Variants in SLC4A4 observed in about 807,000 individuals in gnomAD.
SLC4A4 encodes the protein solute carrier family 4 member 4.
SLC4A4 carries 27 observed loss-of-function variants against 111.5 expected under a neutral mutation model. The observed-to-expected ratio is 0.24, with a 90% CI of 0.18 to 0.33. The LOEUF (loss-of-function observed/expected upper bound fraction) is 0.33, where lower values mean the gene tolerates loss of function less well. Ranked by LOEUF, SLC4A4 falls within the 10% of genes least tolerant of loss-of-function variation. SLC4A4 has a pLI of 1.00. For missense variants in SLC4A4, 909 were observed against 1,315.5 expected (o/e 0.69, Z 4.78); for synonymous variants, 443 against 463.4 (o/e 0.96, Z 0.57).
intron 3 of SLC4A4, among the ~76,000 whole-genome samples, chr4:71,271,871 C>A (rs982733993): frequency 6.6e-6 from 1 of 152,118 alleles, no homozygotes; most frequent in Non-Finnish European, 1.5e-5. Flanking sequence ...TTTTATTTAA[C>A]CCTCATGAAC....
chr4:71,472,243 G>A (rs901347576), intron 13 of SLC4A4, among the ~76,000 whole-genome samples: 1 of 151,804 alleles, frequency 6.6e-6, no homozygotes, highest in Non-Finnish European at 1.5e-5. Context: ...TTTATAGTGC[G>A]ATTACATTTA....
chr4:71,508,884 A>G (rs1731653543), intron 16 of SLC4A4, among the ~76,000 whole-genome samples: 1 of 152,232 alleles, frequency 6.6e-6, no homozygotes, highest in Admixed American at 6.5e-5. Context: ...CAAATCCAGC[A>G]GCACGTCCAG....
chr4:71,313,110 C>A (rs1726344269), intron 3 of SLC4A4, among the ~76,000 whole-genome samples: 1 of 152,198 alleles, frequency 6.6e-6, no homozygotes, highest in Non-Finnish European at 1.5e-5. Flanking sequence ...GTGCAAAAAT[C>A]ACAAGCATTC....
intron 18 of SLC4A4, among the ~76,000 whole-genome samples, chr4:71,538,242 T>A (rs1313663979): frequency 6.6e-6 from 1 of 152,160 alleles, no homozygotes; most frequent in Non-Finnish European, 1.5e-5. Context: ...AAATTCAGAA[T>A]TTAGAATTTC....
At chr4:71,463,027 A>G (rs1407413284) in intron 12 of SLC4A4, among the ~76,000 whole-genome samples, 1 of 152,198 alleles carries the variant, frequency 6.6e-6, no homozygotes, top group Non-Finnish European at 1.5e-5. Context: ...TCTCTTTGGC[A>G]GAACGGAGCC....
chr4:71,441,509 T>G (rs1322652845), intron 8 of SLC4A4, among the ~76,000 whole-genome samples: 2 of 151,980 alleles, frequency 1.3e-5, no homozygotes, highest in Non-Finnish European at 2.9e-5. Context: ...AATAGGACTT[T>G]TTTTTGGGAT....
At chr4:71,222,759 GTT>G (rs1196197929) in intron 1 of SLC4A4, among the ~76,000 whole-genome samples, 4 of 152,226 alleles carry the variant, frequency 2.6e-5, no homozygotes, top group African/African-American at 9.6e-5. Flanking sequence ...TGCTCATAAA[GTT>G]TATGAGATAA....
intron 18 of SLC4A4, among the ~76,000 whole-genome samples, chr4:71,536,685 G>A (rs141643471): frequency 0.59 from 87,280 of 148,452 alleles, 29,812 homozygotes; most frequent in Non-Finnish European, 0.77. Context: ...TAGTAGAGAC[G>A]GGTTTTTGCC....
At chr4:71,338,436 A>G (rs1278533400) in intron 3 of SLC4A4, among the ~76,000 whole-genome samples, 1 of 152,180 alleles carries the variant, frequency 6.6e-6, no homozygotes, top group Non-Finnish European at 1.5e-5. Flanking sequence ...GGTTTTACCC[A>G]GGGATTTTGA....
At chr4:71,562,555 A>G (rs1187573286) in intron 23 of SLC4A4, among the ~76,000 whole-genome samples, 1 of 151,426 alleles carries the variant, frequency 6.6e-6, no homozygotes, top group Non-Finnish European at 1.5e-5. Flanking sequence ...TTGTTTTATC[A>G]GAGAGTAGGA....
intron 16 of SLC4A4, among the ~76,000 whole-genome samples, chr4:71,500,058 G>C (rs934166517): frequency 6.6e-6 from 1 of 152,060 alleles, no homozygotes; most frequent in African/African-American, 2.4e-5. Context: ...GGTGTACAAG[G>C]GTTACCTTTT....
intron 2 of SLC4A4, among the ~76,000 whole-genome samples, chr4:71,102,535 T>C (rs569337745): frequency 1.3e-5 from 2 of 152,208 alleles, no homozygotes; most frequent in Admixed American, 6.5e-5. Flanking sequence ...GTCAGGTTAC[T>C]CACAAAGGAA....
intron 2 of SLC4A4, among the ~76,000 whole-genome samples, chr4:71,123,024 A>ATTT (rs1743476655): frequency 6.6e-6 from 1 of 152,228 alleles, no homozygotes; most frequent in South Asian, 2.1e-4. Context: ...AAATGAAAAG[A>ATTT]TAAAAGAGAA....
At chr4:71,351,008 A>C (rs1396340883) in intron 5 of SLC4A4, among the ~76,000 whole-genome samples, 1 of 152,198 alleles carries the variant, frequency 6.6e-6, no homozygotes, top group Non-Finnish European at 1.5e-5. Flanking sequence ...ATAATACGGC[A>C]GTTTAGGCCA....
chr4:71,108,169 T>C (rs974761037), intron 2 of SLC4A4, among the ~76,000 whole-genome samples: 2 of 152,224 alleles, frequency 1.3e-5, no homozygotes, highest in African/African-American at 2.4e-5. Flanking sequence ...TCCTAAATTA[T>C]GTAGAAAACA....
At chr4:71,319,893 C>T (rs1329140299) in intron 3 of SLC4A4, among the ~76,000 whole-genome samples, 2 of 151,964 alleles carry the variant, frequency 1.3e-5, no homozygotes, top group African/African-American at 2.4e-5. Flanking sequence ...CATCACTCCA[C>T]CTGTGATTAC....
chr4:71,558,933 G>A (rs534001278), intron 22 of SLC4A4, among the ~76,000 whole-genome samples: 1 of 151,778 alleles, frequency 6.6e-6, no homozygotes, highest in African/African-American at 2.4e-5. Context: ...ACCTATTAGT[G>A]TTATCTGCCT....
At chr4:71,536,031 C>T (rs551015233) in intron 18 of SLC4A4, among the ~76,000 whole-genome samples, 9 of 152,128 alleles carry the variant, frequency 5.9e-5, no homozygotes, top group Admixed American at 2.6e-4. Flanking sequence ...CCACTCCTGC[C>T]GTGAGTAGAT....
At chr4:71,510,585 A>G (rs1364289742) in intron 16 of SLC4A4, among the ~76,000 whole-genome samples, 1 of 151,876 alleles carries the variant, frequency 6.6e-6, no homozygotes, top group Non-Finnish European at 1.5e-5. Context: ...GCATCCTTTC[A>G]GTTTTAAACT....
Sources: gnomAD v4.1 joint callset for allele counts (sites outside exome capture counted in the v4.1 genomes callset) on GRCh38, gnomAD v4.1.1 for gene constraint, MANE v1.5 for transcripts, NCBI Gene and HGNC (gene_info 2026-07-23, HGNC 2026-07-21) for gene names.